Variants in LRRTM4 observed in about 807,000 individuals in gnomAD.
The protein encoded by LRRTM4 is leucine-rich repeat transmembrane neuronal protein 4.
Under a neutral mutation model 47.6 loss-of-function variants are expected in LRRTM4, and 25 were observed. That is an observed-to-expected ratio of 0.53 (90% CI 0.38 to 0.73). The LOEUF is 0.73. LRRTM4 is among the 30% of genes least tolerant of loss of function. The probability of loss-of-function intolerance (pLI) is 0.00; values close to 1 mark genes in which losing one functional copy is unlikely to be tolerated. For synonymous variants in LRRTM4, 311 were observed against 269.5 expected (o/e 1.15, Z -1.51); for missense variants, 638 against 713.4 (o/e 0.89, Z 1.20).
chr2:77,044,866 CACAG>C lies in LRRTM4; in HGVS notation c.1552-295954_1552-295951del, dbSNP rs146384085. 7.8e-3 allele frequency among the ~76,000 whole-genome samples: 1,178 copies of C among 151,572 alleles called. 16 individuals carry two copies. Among genetic ancestry groups the C allele is most frequent in the African/African-American group, 0.027 (1,117 of 41,396 alleles). On this transcript the variant is annotated intron_variant, in intron 3 of 3. Coordinates refer to ENST00000409884, the MANE Select transcript of LRRTM4 (RefSeq NM_001134745.3). The stretch of plus-strand genomic sequence containing the variant: ...CACAAATGAGACCTATATAAACATA[CACAG>C]ACAAATGTATACATATACATATATA...
chr2:76,802,161 T>C (rs924489298), intron 3 of LRRTM4, among the ~76,000 whole-genome samples: 1 of 151,254 alleles, frequency 6.6e-6, no homozygotes, highest in Non-Finnish European at 1.5e-5. Context: ...TCATCTAAAC[T>C]GGAGAGGAAT....
At chr2:76,812,775 C>CTT (rs1670779313) in intron 3 of LRRTM4, among the ~76,000 whole-genome samples, 2 of 74,490 alleles carry the variant, frequency 2.7e-5, no homozygotes, top group Non-Finnish European at 4.7e-5. Flanking sequence ...CCTCTCCCTC[C>CTT]CCCTCCTCCT....
chr2:77,418,152 C>T (rs1263447005), intron 3 of LRRTM4, among the ~76,000 whole-genome samples: 4 of 152,070 alleles, frequency 2.6e-5, no homozygotes, highest in Admixed American at 6.6e-5. Context: ...GGGTTCTTAG[C>T]GTAGACCCTA....
intron 3 of LRRTM4, among the ~76,000 whole-genome samples, chr2:77,041,676 T>C (rs1306065849): frequency 1.3e-5 from 2 of 151,524 alleles, no homozygotes; most frequent in East Asian, 3.9e-4. Context: ...TTTTCATACA[T>C]CTGTTGGCCC....
intron 3 of LRRTM4, among the ~76,000 whole-genome samples, chr2:77,109,062 A>G (rs570931005): frequency 8.9e-4 from 135 of 152,350 alleles, no homozygotes; most frequent in Non-Finnish European, 1.5e-3. Flanking sequence ...GAAGCGTACA[A>G]TAAAGGCAAT....
intron 3 of LRRTM4, among the ~76,000 whole-genome samples, chr2:77,098,159 G>C (rs1365672790): frequency 6.6e-6 from 1 of 151,848 alleles, no homozygotes; most frequent in African/African-American, 2.4e-5. Context: ...TCTAAACCTA[G>C]AACTTGATGC....
At chr2:77,487,721 C>G (rs550765193) in intron 3 of LRRTM4, among the ~76,000 whole-genome samples, 56 of 152,288 alleles carry the variant, frequency 3.7e-4, no homozygotes, top group African/African-American at 1.3e-3. Flanking sequence ...ACCAGGCTGC[C>G]AGTTCCCCGG....
At chr2:77,431,294 G>C (rs1290660444) in intron 3 of LRRTM4, among the ~76,000 whole-genome samples, 1 of 148,640 alleles carries the variant, frequency 6.7e-6, no homozygotes, top group Non-Finnish European at 1.5e-5. Flanking sequence ...CTGGAAGCTG[G>C]AAAGTACAAA....
At chr2:76,783,569 G>A (rs571601787) in intron 3 of LRRTM4, among the ~76,000 whole-genome samples, 12 of 152,114 alleles carry the variant, frequency 7.9e-5, no homozygotes, top group African/African-American at 2.7e-4. Context: ...CATGGCAAAC[G>A]CCTATTTAGT....
intron 3 of LRRTM4, among the ~76,000 whole-genome samples, chr2:77,013,348 C>T (rs1677943322): frequency 6.6e-6 from 1 of 152,130 alleles, no homozygotes; most frequent in Admixed American, 6.6e-5. Context: ...TGTCATTCTC[C>T]CTCAGCTCGC....
At chr2:76,874,175 C>T (rs1672716053) in intron 3 of LRRTM4, among the ~76,000 whole-genome samples, 1 of 151,720 alleles carries the variant, frequency 6.6e-6, no homozygotes, top group Non-Finnish European at 1.5e-5. Context: ...CCTCCAATCA[C>T]TCTGTGTCTG....
At chr2:76,937,344 G>A (rs1463262181) in intron 3 of LRRTM4, among the ~76,000 whole-genome samples, 1 of 151,206 alleles carries the variant, frequency 6.6e-6, no homozygotes. Context: ...GGGTTTCTAG[G>A]AAGTTCTACT....
chr2:76,936,815 G>A (rs533521489), intron 3 of LRRTM4, among the ~76,000 whole-genome samples: 6 of 150,798 alleles, frequency 4.0e-5, no homozygotes, highest in African/African-American at 9.7e-5. Flanking sequence ...TTAGCTGGGC[G>A]TGGTGGCAGG....
intron 3 of LRRTM4, among the ~76,000 whole-genome samples, chr2:76,932,526 G>A (rs1215751157): frequency 1.3e-5 from 2 of 152,012 alleles, no homozygotes; most frequent in Non-Finnish European, 2.9e-5. Flanking sequence ...GAAGAAGACG[G>A]TACGCCCTTA....
intron 3 of LRRTM4, among the ~76,000 whole-genome samples, chr2:77,327,623 T>C (rs1670825822): frequency 6.6e-6 from 1 of 152,160 alleles, no homozygotes. Flanking sequence ...TTTATGTAAT[T>C]ACAGGATTTG....
chr2:76,986,829 C>T (rs1374707685), intron 3 of LRRTM4, among the ~76,000 whole-genome samples: 1 of 151,874 alleles, frequency 6.6e-6, no homozygotes, highest in Admixed American at 6.6e-5. Flanking sequence ...TCTTCTTTTG[C>T]TTTAGCTAAT....
intron 3 of LRRTM4, among the ~76,000 whole-genome samples, chr2:77,301,443 T>A (rs1677131612): frequency 6.6e-6 from 1 of 152,140 alleles, no homozygotes; most frequent in Admixed American, 6.6e-5. Context: ...GGATGGTGCA[T>A]GTCCTGGGAA....
chr2:77,303,232 G>A (rs149909732), intron 3 of LRRTM4, among the ~76,000 whole-genome samples: 3,376 of 151,976 alleles, frequency 0.022, 137 homozygotes, highest in African/African-American at 0.078. Context: ...TTGCACTCCA[G>A]CCTGGGCAAC....
intron 3 of LRRTM4, among the ~76,000 whole-genome samples, chr2:77,324,271 G>A (rs1670673179): frequency 6.6e-6 from 1 of 152,104 alleles, no homozygotes; most frequent in Non-Finnish European, 1.5e-5. Flanking sequence ...AAACAGAGTA[G>A]CAAACATAAA....
Sources: gnomAD v4.1 joint callset for allele counts (sites outside exome capture counted in the v4.1 genomes callset) on GRCh38, gnomAD v4.1.1 for gene constraint, MANE v1.5 for transcripts, NCBI Gene and HGNC (gene_info 2026-07-23, HGNC 2026-07-21) for gene names.